Variants in NRXN1 observed in about 807,000 individuals in gnomAD.
The protein encoded by NRXN1 is neurexin-1.
A neutral mutation model predicts 150.9 loss-of-function variants in NRXN1; 39 were observed. That is an observed-to-expected ratio of 0.26 (90% CI 0.20 to 0.34). The LOEUF is 0.34. Among genes scored for constraint, NRXN1 ranks in the 10% least tolerant of loss-of-function variants. NRXN1 has a pLI of 1.00. For synonymous variants in NRXN1, 924 were observed against 757.0 expected (o/e 1.22, Z -3.62); for missense variants, 1,815 against 1,949.9 (o/e 0.93, Z 1.30).
intron 10 of NRXN1, among the ~76,000 whole-genome samples, chr2:50,534,101 A>G (rs903851089): frequency 8.7e-5 from 5 of 57,294 alleles, no homozygotes; most frequent in African/African-American, 2.4e-4. Flanking sequence ...CAATAATTGC[A>G]CACACACACA....
intron 15 of NRXN1, among the ~76,000 whole-genome samples, chr2:50,473,853 T>C (rs2089740749): frequency 6.6e-6 from 1 of 152,002 alleles, no homozygotes; most frequent in Non-Finnish European, 1.5e-5. Flanking sequence ...AATTTGTATG[T>C]AGGGTAAAAT....
At chr2:50,297,010 G>A (rs1339696521) in intron 17 of NRXN1, among the ~76,000 whole-genome samples, 2 of 151,324 alleles carry the variant, frequency 1.3e-5, no homozygotes, top group Admixed American at 6.6e-5. Context: ...AGGCTCCCAA[G>A]TAGCTGGGAC....
At chr2:50,863,145 G>A (rs1676382484) in intron 5 of NRXN1, among the ~76,000 whole-genome samples, 1 of 151,968 alleles carries the variant, frequency 6.6e-6, no homozygotes, top group Non-Finnish European at 1.5e-5. Context: ...AAGGGGTTTA[G>A]AAAGTTACAC....
At chr2:50,282,502 G>A (rs966864931) in intron 17 of NRXN1, among the ~76,000 whole-genome samples, 15 of 152,006 alleles carry the variant, frequency 9.9e-5, no homozygotes, top group Admixed American at 2.0e-4. Context: ...AACACTTCTC[G>A]TATACCTGGG....
chr2:50,690,358 A>G (rs978611731), intron 5 of NRXN1, among the ~76,000 whole-genome samples: 23 of 152,198 alleles, frequency 1.5e-4, no homozygotes, highest in African/African-American at 5.5e-4. Flanking sequence ...GATGGCCCAT[A>G]CTATGAATGA....
At chr2:50,681,503 C>G (rs142274586) in intron 5 of NRXN1, among the ~76,000 whole-genome samples, 52 of 152,152 alleles carry the variant, frequency 3.4e-4, no homozygotes, top group African/African-American at 1.3e-3. Context: ...CACATGTGGG[C>G]ATTAAAGAAC....
At chr2:50,702,438 A>G (rs948475368) in intron 5 of NRXN1, among the ~76,000 whole-genome samples, 2 of 152,110 alleles carry the variant, frequency 1.3e-5, no homozygotes, top group Non-Finnish European at 2.9e-5. Context: ...AAGAATGACA[A>G]ATAGCTCAGT....
chr2:50,570,739 G>GTT (rs1670545927), intron 8 of NRXN1, among the ~76,000 whole-genome samples: 2 of 143,322 alleles, frequency 1.4e-5, no homozygotes, highest in African/African-American at 5.7e-5. Flanking sequence ...TGGCAGTCAT[G>GTT]TTATATATAT....
At chr2:50,292,033 G>T (rs1273650647) in intron 17 of NRXN1, among the ~76,000 whole-genome samples, 1 of 152,104 alleles carries the variant, frequency 6.6e-6, no homozygotes, top group Non-Finnish European at 1.5e-5. Context: ...CATTCTGCAG[G>T]TTACCACCCT....
At chr2:49,989,064 A>C (rs1681460685) in intron 21 of NRXN1, among the ~76,000 whole-genome samples, 2 of 152,230 alleles carry the variant, frequency 1.3e-5, no homozygotes, top group South Asian at 4.1e-4. Flanking sequence ...ATTGTATGCT[A>C]TTTTAAGCTT....
At chr2:50,993,930 ACTTT>A (rs1397503000) in intron 2 of NRXN1, among the ~76,000 whole-genome samples, 12 of 151,900 alleles carry the variant, frequency 7.9e-5, no homozygotes, top group African/African-American at 2.7e-4. Flanking sequence ...ACCTTCAACT[ACTTT>A]CTATTTTCCT....
At chr2:49,986,265 C>T (rs937580414) in intron 21 of NRXN1, among the ~76,000 whole-genome samples, 2 of 152,116 alleles carry the variant, frequency 1.3e-5, no homozygotes, top group African/African-American at 4.8e-5. Context: ...TTGAAAACTC[C>T]AAAGACATAC....
chr2:49,925,120 A>C (rs1668866376), intron 22 of NRXN1, among the ~76,000 whole-genome samples: 1 of 151,906 alleles, frequency 6.6e-6, no homozygotes. Flanking sequence ...TGAAACCCTG[A>C]AATACAAAAA....
chr2:50,405,897 T>C (rs2082720178), intron 17 of NRXN1, among the ~76,000 whole-genome samples: 2 of 152,138 alleles, frequency 1.3e-5, no homozygotes, highest in East Asian at 1.9e-4. Flanking sequence ...TGATTTACAA[T>C]TGTTAATTCA....
intron 21 of NRXN1, among the ~76,000 whole-genome samples, chr2:50,000,615 C>T (rs1223088540): frequency 6.6e-6 from 1 of 152,138 alleles, no homozygotes; most frequent in Admixed American, 6.6e-5. Context: ...AGTTGCTCTG[C>T]ATCAACATAT....
intron 18 of NRXN1, chr2:50,199,350 T>C (rs1208816084): frequency 6.6e-6 from 1 of 152,090 alleles, no homozygotes; most frequent in African/African-American, 2.4e-5. Context: ...CAGGTTTGCT[T>C]CTGTTTAGTT....
rs114417890 is a variant in NRXN1, at chr2:50,246,787, G to C, written c.3365-9817C>G. Among the ~76,000 whole-genome samples the C allele has an allele frequency of 8.4e-3, 1,274 of 151,882 alleles. 21 individuals carry two copies. Among genetic ancestry groups the C allele is most frequent in the African/African-American group, 0.03 (1,230 of 41,426 alleles). ...TTCATTCCAGCCAAGGTTAATTCTC[G>C]CCTTTCAACATCCACTAACTTATTT... On this transcript the variant is annotated intron_variant, in intron 17 of 22. Transcript: ENST00000401669.
chr2:50,120,101 T>C (rs1452438590), intron 18 of NRXN1, among the ~76,000 whole-genome samples: 2 of 152,114 alleles, frequency 1.3e-5, no homozygotes, highest in African/African-American at 2.4e-5. Context: ...AAAAGGCAAA[T>C]TAAAAGGCAA....
At chr2:50,464,641 G>A (rs1276555153) in intron 17 of NRXN1, among the ~76,000 whole-genome samples, 8 of 151,876 alleles carry the variant, frequency 5.3e-5, no homozygotes, top group Non-Finnish European at 8.8e-5. Context: ...CATATAGCAC[G>A]TATTCTATTT....
Sources: gnomAD v4.1 joint callset for allele counts (sites outside exome capture counted in the v4.1 genomes callset) on GRCh38, gnomAD v4.1.1 for gene constraint, MANE v1.5 for transcripts, NCBI Gene and HGNC (gene_info 2026-07-23, HGNC 2026-07-21) for gene names.